The following USP30 variants were observed in gnomAD, a reference collection of about 807,000 sequenced individuals.
The protein encoded by USP30 is ubiquitin carboxyl-terminal hydrolase 30.
A neutral mutation model predicts 68.2 loss-of-function variants in USP30; 41 were observed. That is an observed-to-expected ratio of 0.60 (90% confidence interval 0.47 to 0.78). The LOEUF is 0.78. USP30 is among the 30% of genes least tolerant of loss of function. The pLI, the probability that USP30 is intolerant of heterozygous loss-of-function variation, is 0.00. For synonymous variants in USP30, 229 were observed against 253.7 expected, an observed-to-expected ratio of 0.90 and a Z score of 0.93; for missense variants, 522 against 649.4, an observed-to-expected ratio of 0.80 and a Z score of 2.13.
intron 7 of USP30, among the ~76,000 whole-genome samples, chr12:109,075,312 A>G (rs2041563186): frequency 6.6e-6 from 1 of 152,214 alleles, no homozygotes; most frequent in Non-Finnish European, 1.5e-5. Flanking sequence ...AGTATGCAAG[A>G]GTTGCCTTCT....
At chr12:109,057,844 G>T (rs962326150) in intron 2 of USP30, 82 bp from the exon 3 acceptor site, 2 of 1,452,784 alleles carry the variant, frequency 1.4e-6, no homozygotes, top group Non-Finnish European at 1.9e-6. Context: ...AGGCCACAGC[G>T]CAGGAACTCT....
intron 3 of USP30, among the ~76,000 whole-genome samples, chr12:109,046,092 CTTTTTTTTT>C (rs34629352): frequency 6.4e-5 from 3 of 46,738 alleles, no homozygotes; most frequent in African/African-American, 1.8e-4. Flanking sequence ...GGAAGTCAGT[CTTTTTTTTT>C]TTTTTTTTTT....
chr12:109,051,836 C>T (rs888435940), upstream of USP30, among the ~76,000 whole-genome samples: 11 of 152,190 alleles, frequency 7.2e-5, no homozygotes, highest in African/African-American at 2.2e-4. Flanking sequence ...TCCCAAAGTG[C>T]TGGGATTACA....
At position 109,057,972 on chromosome 12, in the gene USP30, C is replaced by T. The variant is rs371920523; in HGVS notation, c.240C>T (p.Asn80=). The change falls in exon 3 of 13, where the codon AAC becomes AAT. Residue 80 remains asparagine, a synonymous_variant. Coordinates refer to ENST00000257548, the MANE Select transcript of USP30 (RefSeq NM_032663.5). ...LVNLGNTCFM[N]SLLQGLSACP... The stretch of plus-strand genomic sequence containing the variant: ...ATTTAGGGAACACCTGCTTCATGAA[C>T]TCCCTGCTACAAGGCCTGTCTGCCT... 1.2e-6 allele frequency: 2 copies of T among 1,614,084 alleles called. No homozygotes were observed. The highest frequency in any genetic ancestry group is 1.7e-6 in the Non-Finnish European group (2 of 1,179,986).
intron 7 of USP30, among the ~76,000 whole-genome samples, chr12:109,080,327 A>G (rs752801173): frequency 3.9e-5 from 6 of 152,230 alleles, no homozygotes; most frequent in Non-Finnish European, 5.9e-5. Flanking sequence ...AAAAAGCCAC[A>G]AACACACAAA....
rs552525240 is a variant in USP30 at position 109,030,086 on chromosome 12, G to A, written c.-136+2530G>A. ...TCACCTTCTTCCTGCAAGTTACGCT[G>A]TAAGATTAAGGCAGGGAACCTACTT... On this transcript the variant is annotated intron_variant, in intron 3 of 15. Transcript: ENST00000392784. 2.0e-5 allele frequency among the ~76,000 whole-genome samples: 3 copies of A among 152,316 alleles called. No homozygotes were observed. In the South Asian group the frequency reaches 6.2e-4, roughly 32 times the overall value.
intron 7 of USP30, among the ~76,000 whole-genome samples, chr12:109,079,084 T>G (rs2041702584): frequency 6.6e-6 from 1 of 152,084 alleles, no homozygotes; most frequent in Non-Finnish European, 1.5e-5. Flanking sequence ...CTTATTTATC[T>G]TGTTTGGGGT....
intron 1 of USP30, chr12:109,053,595 A>G (rs575624515): frequency 6.4e-6 from 1 of 155,924 alleles, no homozygotes; most frequent in African/African-American, 2.4e-5. Context: ...GCAGGTTTAA[A>G]GAGCTTATTA....
At chr12:109,043,645 A>T (rs1334075556) in intron 3 of USP30, among the ~76,000 whole-genome samples, 1 of 152,160 alleles carries the variant, frequency 6.6e-6, no homozygotes, top group Admixed American at 6.5e-5. Context: ...ATAGGGCAAA[A>T]CCTTTGTGAC....
chr12:109,035,500 A>G (rs1213813032), intron 3 of USP30, among the ~76,000 whole-genome samples: 2 of 152,068 alleles, frequency 1.3e-5, no homozygotes, highest in Non-Finnish European at 2.9e-5. Context: ...AGTAGTTGGG[A>G]CTACAGGCAT....
chr12:109,082,599 C>G, intron 9 of USP30, 64 bp from the exon 10 acceptor site: 1 of 1,531,762 alleles, frequency 6.5e-7, no homozygotes, highest in African/African-American at 1.4e-5. Flanking sequence ...CCACTGTGGT[C>G]TGCAGCACTC....
intron 3 of USP30, among the ~76,000 whole-genome samples, chr12:109,041,664 T>A (rs57059962): frequency 0.078 from 11,737 of 151,360 alleles, 837 homozygotes; most frequent in African/African-American, 0.19. Flanking sequence ...AAAAAGAAAA[T>A]GAATATATGT....
intron 11 of USP30, among the ~76,000 whole-genome samples, chr12:109,084,175 C>T (rs377043552): frequency 7.9e-5 from 12 of 152,270 alleles, no homozygotes; most frequent in African/African-American, 2.2e-4. Context: ...CTGCAGTGAG[C>T]TGTGATCACA....
At chr12:109,079,359 T>TTTTTTTTTTTTTTTTTTTTTTTTTTTC (rs2041726670) in intron 7 of USP30, among the ~76,000 whole-genome samples, 1 of 115,356 alleles carries the variant, frequency 8.7e-6, no homozygotes, top group Admixed American at 8.4e-5. Context: ...TTCTTTTTTT[T>TTTTTTTTTTTTTTTTTTTTTTTTTTTC]TTTTTTTTTT....
In USP30 at chr12:109,070,496, G is replaced by A. The variant is rs888434441; in HGVS notation, c.481-1116G>A. On this transcript the variant is annotated intron_variant, in intron 4 of 12. Transcript: ENST00000257548. This position sits in a 1 kb window ranked among gnomAD's most constrained non-coding sequence, Gnocchi z 4.0. ...AGGAACAGCAAAGAGGCCAGGGGCCGGGACATTGTGAATGTTGGGGGCTTT... is the reference window on the plus strand; with the variant it reads ...AGGAACAGCAAAGAGGCCAGGGGCCAGGACATTGTGAATGTTGGGGGCTTT... 4.6e-5 allele frequency among the ~76,000 whole-genome samples: 7 copies of A among 152,218 alleles called. No individual in the cohort carries two copies. The highest frequency in any genetic ancestry group is 7.3e-5 in the Non-Finnish European group (5 of 68,032).
In USP30 at chr12:109,083,064, T is replaced by A. The variant is rs768632689; in HGVS notation, c.1168+2T>A. On this transcript the variant is annotated splice_donor_variant, in intron 11 of 12. Coordinates refer to ENST00000257548, the MANE Select transcript of USP30 (RefSeq NM_032663.5). LOFTEE classifies it high-confidence loss of function. Reference sequence around the variant, plus strand: ...ATGGGCCGGGAGCCCCCACACCAGGTGTGTGCGCGCGAGGAGCCGATGCAG... The same window carrying A: ...ATGGGCCGGGAGCCCCCACACCAGGAGTGTGCGCGCGAGGAGCCGATGCAG... 11 of 1,597,666 alleles carry A rather than the reference T, an allele frequency of 6.9e-6. No homozygotes were observed. The highest frequency in any genetic ancestry group is 9.4e-6 in the Non-Finnish European group (11 of 1,172,274).
intron 3 of USP30, among the ~76,000 whole-genome samples, chr12:109,035,426 C>A (rs1042184262): frequency 6.6e-6 from 1 of 152,022 alleles, no homozygotes; most frequent in African/African-American, 2.4e-5. Flanking sequence ...TGCAGTGGCA[C>A]AATCTCGGCT....
intron 7 of USP30, among the ~76,000 whole-genome samples, chr12:109,079,547 G>A (rs1385398450): frequency 6.6e-6 from 1 of 150,398 alleles, no homozygotes; most frequent in Non-Finnish European, 1.5e-5. Context: ...TTTATTTTTT[G>A]TAGAGACAGG....
intron 4 of USP30, among the ~76,000 whole-genome samples, chr12:109,068,695 C>T (rs959113366): frequency 2.0e-5 from 3 of 152,098 alleles, no homozygotes; most frequent in South Asian, 2.1e-4. Flanking sequence ...TTTTAAGGTC[C>T]GACTTCTCCA....
Sources: allele counts gnomAD v4.1 joint callset (sites outside exome capture counted in the v4.1 genomes callset), GRCh38; gene constraint gnomAD v4.1.1; non-coding constraint Gnocchi (gnomAD v3.1); transcripts MANE v1.5; gene names NCBI Gene and HGNC (gene_info 2026-07-23, HGNC 2026-07-21).